MACROD2: variants seen among roughly 807,000 people sequenced by gnomAD.
MACROD2 encodes mono-ADP ribosylhydrolase 2, also known as ADP-ribose glycohydrolase MACROD2.
A neutral mutation model predicts 70.4 loss-of-function variants in MACROD2; 36 were observed. The observed-to-expected ratio is 0.51, with a 90% CI of 0.39 to 0.68. MACROD2 has a LOEUF of 0.68. MACROD2 is among the 30% of genes least tolerant of loss of function. MACROD2 has a pLI of 0.00. For missense variants in MACROD2, 496 were observed against 538.4 expected, an observed-to-expected ratio of 0.92 and a Z score of 0.78; for synonymous variants, 172 against 178.8, an observed-to-expected ratio of 0.96 and a Z score of 0.30.
At chr20:14,655,401 C>A (rs1985919288) in intron 4 of MACROD2, among the ~76,000 whole-genome samples, 1 of 148,064 alleles carries the variant, frequency 6.8e-6, no homozygotes, top group Non-Finnish European at 1.5e-5. Context: ...AGTTTTGCTT[C>A]TGTGGTTGTT....
At chr20:14,332,580 T>C (rs2082864951) in intron 3 of MACROD2, among the ~76,000 whole-genome samples, 1 of 152,186 alleles carries the variant, frequency 6.6e-6, no homozygotes. Flanking sequence ...TTTAAAAATA[T>C]TAATTCAAGT....
chr20:14,577,209 A>G (rs1452267386), intron 4 of MACROD2, among the ~76,000 whole-genome samples: 1 of 152,206 alleles, frequency 6.6e-6, no homozygotes, highest in Admixed American at 6.5e-5. Context: ...TAAAACAAAG[A>G]GAGATTTTAA....
chr20:14,328,571 T>G (rs914309330), intron 3 of MACROD2, among the ~76,000 whole-genome samples: 1 of 152,142 alleles, frequency 6.6e-6, no homozygotes, highest in Non-Finnish European at 1.5e-5. Context: ...AATACTTTGT[T>G]TTTCCTACCT....
intron 8 of MACROD2, among the ~76,000 whole-genome samples, chr20:15,741,051 G>T (rs570568913): frequency 6.7e-6 from 1 of 150,188 alleles, no homozygotes; most frequent in South Asian, 2.1e-4. Flanking sequence ...AAATGTGGAA[G>T]AACTCCTTGC....
chr20:15,398,542 C>T (rs953211113), intron 6 of MACROD2, among the ~76,000 whole-genome samples: 35 of 152,184 alleles, frequency 2.3e-4, no homozygotes, highest in African/African-American at 7.9e-4. Context: ...TAAATGCTTA[C>T]GAGAATATAA....
rs375507390 is a variant in MACROD2, at chr20:14,267,504, A to G, written c.271+181776A>G. ...CAACAAAAACTAATCTTTCTCAAGT[A>G]TCTATTAACATTCTAGATATTCTCT... On this transcript the variant is annotated intron_variant, in intron 3 of 17. Coordinates refer to ENST00000684519, the MANE Select transcript of MACROD2 (RefSeq NM_001351661.2). Among the ~76,000 whole-genome samples, 74 of 152,258 alleles carry G rather than the reference A, an allele frequency of 4.9e-4. 2 individuals carry two copies. The East Asian group carries it at 0.011, about 23-fold the overall frequency.
At position 14,325,445 on chromosome 20, in the gene MACROD2, T is replaced by C. The variant is rs2082717430; in HGVS notation, c.272-168034T>C. On this transcript the variant is annotated intron_variant, in intron 3 of 17. Coordinates refer to ENST00000684519, the MANE Select transcript of MACROD2 (RefSeq NM_001351661.2). ...ATTATATGGCAAATGTACAGTACATTGCTTTTTTTCAGTCTCTTTTTCCAG... is the reference window on the plus strand; with the variant it reads ...ATTATATGGCAAATGTACAGTACATCGCTTTTTTTCAGTCTCTTTTTCCAG... 3.5e-6 allele frequency: 4 copies of C among 1,151,514 alleles called. No individual in the cohort carries two copies. In the East Asian group the frequency reaches 9.5e-5, roughly 27 times the overall value. The allele number at this position is 1,151,514 out of a possible 1,614,324, so 71.3% of individuals were successfully genotyped here.
intron 4 of MACROD2, among the ~76,000 whole-genome samples, chr20:14,597,034 C>T (rs561888241): frequency 1.1e-4 from 16 of 152,002 alleles, no homozygotes; most frequent in African/African-American, 3.4e-4. Context: ...TCAAAATGAC[C>T]GTTTTATCTT....
At chr20:15,228,398 CA>C (rs2076929183) in intron 5 of MACROD2, among the ~76,000 whole-genome samples, 1 of 151,938 alleles carries the variant, frequency 6.6e-6, no homozygotes, top group East Asian at 1.9e-4. Flanking sequence ...TCATGGAAAC[CA>C]ATGCTTTAGG....
At chr20:14,681,493 C>A (rs1219169986) in intron 4 of MACROD2, among the ~76,000 whole-genome samples, 1 of 152,078 alleles carries the variant, frequency 6.6e-6, no homozygotes, top group East Asian at 1.9e-4. Flanking sequence ...TAAAAGAAGG[C>A]AGTCTCTCTA....
chr20:14,855,550 C>T (rs2122331478), intron 5 of MACROD2, among the ~76,000 whole-genome samples: 1 of 139,520 alleles, frequency 7.2e-6, no homozygotes, highest in East Asian at 2.3e-4. Flanking sequence ...ATACTTAATA[C>T]AATAAGTCAA....
chr20:15,556,402 T>C (rs1234723870), intron 8 of MACROD2, among the ~76,000 whole-genome samples: 2 of 152,158 alleles, frequency 1.3e-5, no homozygotes, highest in South Asian at 4.1e-4. Context: ...TTTCCCAAAA[T>C]CTTTGCTTAA....
At chr20:14,474,115 G>A (rs2084562052) in intron 3 of MACROD2, among the ~76,000 whole-genome samples, 1 of 150,570 alleles carries the variant, frequency 6.6e-6, no homozygotes, top group African/African-American at 2.4e-5. Context: ...TTCCCATTTT[G>A]CCAGTTTGTC....
intron 8 of MACROD2, among the ~76,000 whole-genome samples, chr20:15,779,992 G>A (rs1017004514): frequency 1.3e-5 from 2 of 152,006 alleles, no homozygotes; most frequent in Middle Eastern, 3.2e-3. Context: ...AGCACATTTA[G>A]CTTAGAGGAG....
chr20:15,066,586 T>G (rs1473082207), intron 5 of MACROD2, among the ~76,000 whole-genome samples: 2 of 152,038 alleles, frequency 1.3e-5, no homozygotes, highest in Non-Finnish European at 2.9e-5. Flanking sequence ...GCTTTAAAAG[T>G]GCAGTGAACT....
At chr20:15,064,276 A>T (rs2075556734) in intron 5 of MACROD2, among the ~76,000 whole-genome samples, 1 of 152,112 alleles carries the variant, frequency 6.6e-6, no homozygotes, top group African/African-American at 2.4e-5. Flanking sequence ...TGATCTTTGG[A>T]GATGATTTTA....
chr20:15,727,061 G>A (rs2050873826), intron 8 of MACROD2, among the ~76,000 whole-genome samples: 1 of 151,948 alleles, frequency 6.6e-6, no homozygotes, highest in African/African-American at 2.4e-5. Flanking sequence ...TATAGTTTTA[G>A]GATTTAAGTC....
At chr20:14,569,690 T>G (rs1171127207) in intron 4 of MACROD2, among the ~76,000 whole-genome samples, 3 of 151,956 alleles carry the variant, frequency 2.0e-5, no homozygotes, top group Non-Finnish European at 4.4e-5. Context: ...TAAGTTATTT[T>G]AGAGGGAGCT....
intron 8 of MACROD2, among the ~76,000 whole-genome samples, chr20:15,674,925 A>G (rs937785367): frequency 1.3e-5 from 2 of 152,154 alleles, no homozygotes; most frequent in African/African-American, 2.4e-5. Context: ...ATGGCAGAGG[A>G]TTGCTCTGGT....
Sources: allele counts gnomAD v4.1 joint callset (sites outside exome capture counted in the v4.1 genomes callset), GRCh38; gene constraint gnomAD v4.1.1; transcripts MANE v1.5; gene names NCBI Gene and HGNC (gene_info 2026-07-23, HGNC 2026-07-21).